CSMD1: variants seen among roughly 807,000 people sequenced by gnomAD.
The protein encoded by CSMD1 is CUB and Sushi multiple domains 1.
A neutral mutation model predicts 417.5 loss-of-function variants in CSMD1; 213 were observed. That is an observed-to-expected ratio of 0.51 (90% CI 0.46 to 0.57). The LOEUF is 0.57. CSMD1 is among the 20% of genes least tolerant of loss of function. CSMD1 has a pLI of 0.00. For synonymous variants in CSMD1, 2,862 were observed against 1,736.8 expected (o/e 1.65, Z -16.11); for missense variants, 6,923 against 4,529.7 (o/e 1.53, Z -15.17).
chr8:3,557,771 G>C (rs1465702306), intron 10 of CSMD1, among the ~76,000 whole-genome samples: 2 of 152,126 alleles, frequency 1.3e-5, no homozygotes, highest in African/African-American at 4.8e-5. Context: ...ACAGGTTTTG[G>C]TTTGCCTAGG....
chr8:3,652,982 C>T (rs1797934862), intron 7 of CSMD1, among the ~76,000 whole-genome samples: 3 of 152,124 alleles, frequency 2.0e-5, no homozygotes, highest in South Asian at 4.1e-4. Context: ...GTATAATTAG[C>T]ATTGTCTGCA....
At chr8:3,199,522 T>C (rs1398188707) in intron 33 of CSMD1, among the ~76,000 whole-genome samples, 192 bp downstream of exon 33, 1 of 152,174 alleles carries the variant, frequency 6.6e-6, no homozygotes, top group South Asian at 2.1e-4. Flanking sequence ...AGTAGAAATA[T>C]GAGTTTCAAC....
intron 1 of CSMD1, among the ~76,000 whole-genome samples, chr8:4,894,922 C>T (rs1804378135): frequency 6.6e-6 from 1 of 152,152 alleles, no homozygotes; most frequent in African/African-American, 2.4e-5. Flanking sequence ...AGGAAGGACA[C>T]TTTGAAACAT....
At position 3,490,715 on chromosome 8, in the gene CSMD1, G is replaced by C. The variant is rs138625805; in HGVS notation, c.1448+2908C>G. Among the ~76,000 whole-genome samples the C allele has an allele frequency of 1.6e-3, 238 of 152,206 alleles. 1 individual carries two copies. The highest frequency in any genetic ancestry group is 6.6e-3 in the South Asian group (32 of 4,822). On this transcript the variant is annotated intron_variant, in intron 11 of 69. Transcript: ENST00000635120. ...AGCTGGAGCCAGAAACTCTATCTTTGACTTGCAGGCCCCTTTCTATCCACT... is the reference window on the plus strand; with the variant it reads ...AGCTGGAGCCAGAAACTCTATCTTTCACTTGCAGGCCCCTTTCTATCCACT...
At chr8:3,528,866 A>G (rs1488797793) in intron 10 of CSMD1, among the ~76,000 whole-genome samples, 1 of 152,200 alleles carries the variant, frequency 6.6e-6, no homozygotes, top group Non-Finnish European at 1.5e-5. Flanking sequence ...GAGTTTTAAT[A>G]CTCTGTATGT....
At chr8:3,613,246 A>G (rs1220299017) in intron 8 of CSMD1, 1 of 425,304 alleles carries the variant, frequency 2.4e-6, no homozygotes, top group Non-Finnish European at 4.7e-6. Context: ...GCCTGTAAGT[A>G]GAAAAGAAAT....
intron 2 of CSMD1, among the ~76,000 whole-genome samples, chr8:4,577,931 T>C (rs1341453418): frequency 6.6e-6 from 1 of 152,210 alleles, no homozygotes; most frequent in Non-Finnish European, 1.5e-5. Context: ...AGTGCAATTA[T>C]GATATTGGAT....
chr8:3,483,229 A>G (rs955603934), intron 11 of CSMD1, among the ~76,000 whole-genome samples: 2 of 152,250 alleles, frequency 1.3e-5, no homozygotes, highest in African/African-American at 4.8e-5. Context: ...ACACTTGCAG[A>G]AAGTCAGAAA....
intron 6 of CSMD1, among the ~76,000 whole-genome samples, chr8:3,736,155 C>T (rs148671322): frequency 1.3e-5 from 2 of 152,290 alleles, no homozygotes; most frequent in African/African-American, 2.4e-5. Flanking sequence ...ACCCTGTAAT[C>T]GCATCACATC....
At chr8:2,975,477 C>A (rs542109506) in intron 55 of CSMD1, among the ~76,000 whole-genome samples, 1 of 152,218 alleles carries the variant, frequency 6.6e-6, no homozygotes, top group Non-Finnish European at 1.5e-5. Flanking sequence ...ACGAGACACC[C>A]AGAAGGGTTA....
intron 23 of CSMD1, among the ~76,000 whole-genome samples, chr8:3,320,282 A>C (rs893304927): frequency 5.9e-5 from 9 of 152,068 alleles, no homozygotes; most frequent in African/African-American, 2.2e-4. Flanking sequence ...GTTCTTCCCA[A>C]ATTCTGTCCC....
intron 15 of CSMD1, among the ~76,000 whole-genome samples, chr8:3,402,901 A>G (rs1812125828): frequency 6.6e-6 from 1 of 152,044 alleles, no homozygotes; most frequent in Admixed American, 6.6e-5. Flanking sequence ...ACGTTAGAGG[A>G]CTTAAAGATA....
At chr8:3,937,338 G>C (rs1303749621) in intron 5 of CSMD1, among the ~76,000 whole-genome samples, 2 of 152,128 alleles carry the variant, frequency 1.3e-5, no homozygotes, top group African/African-American at 4.8e-5. Context: ...ATGCTATATA[G>C]AAATATTTCA....
chr8:3,617,138 C>T lies in CSMD1; in HGVS notation c.1010-341G>A, dbSNP rs976706423. On this transcript the variant is annotated intron_variant, in intron 7 of 69. Transcript: ENST00000635120. ...CAGAAAAACAGCATTATGAGAAAAACGCATACACTTAGAGAGAAGAAAGTC... is the reference window on the plus strand; with the variant it reads ...CAGAAAAACAGCATTATGAGAAAAATGCATACACTTAGAGAGAAGAAAGTC... 6.6e-5 allele frequency among the ~76,000 whole-genome samples: 10 copies of T among 152,186 alleles called. No individual in the cohort carries two copies. In the South Asian group the frequency reaches 1.7e-3, roughly 25 times the overall value.
intron 5 of CSMD1, among the ~76,000 whole-genome samples, chr8:3,990,764 G>A (rs949807428): frequency 2.0e-5 from 3 of 152,128 alleles, no homozygotes; most frequent in Admixed American, 2.0e-4. Context: ...ACCTGCTGGT[G>A]AGTCCATCCC....
chr8:3,693,467 C>T (rs1211751364), intron 7 of CSMD1, among the ~76,000 whole-genome samples: 1 of 151,984 alleles, frequency 6.6e-6, no homozygotes, highest in Non-Finnish European at 1.5e-5. Flanking sequence ...GGAGTTGATA[C>T]TGAAATTGCT....
chr8:3,055,101 C>G (rs558364899), intron 49 of CSMD1, among the ~76,000 whole-genome samples: 1 of 152,184 alleles, frequency 6.6e-6, no homozygotes. Context: ...CTCATTTGGG[C>G]AGAGCAGGGA....
intron 3 of CSMD1, among the ~76,000 whole-genome samples, chr8:4,142,848 C>T (rs1259182327): frequency 6.6e-6 from 1 of 151,066 alleles, no homozygotes; most frequent in Non-Finnish European, 1.5e-5. Context: ...AATTGTTGTG[C>T]TGTTTCTAAT....
chr8:4,444,650 G>T (rs1044031953), intron 2 of CSMD1, among the ~76,000 whole-genome samples: 7 of 152,104 alleles, frequency 4.6e-5, no homozygotes, highest in Admixed American at 6.5e-5. Flanking sequence ...ATCATTCAGG[G>T]CATGATTGTA....
Sources: allele counts gnomAD v4.1 joint callset (sites outside exome capture counted in the v4.1 genomes callset), GRCh38; gene constraint gnomAD v4.1.1; transcripts MANE v1.5; gene names NCBI Gene and HGNC (gene_info 2026-07-23, HGNC 2026-07-21).